HSPBP1: variants seen among roughly 807,000 people sequenced by gnomAD.
HSPBP1 encodes the protein HSPA (Hsp70) binding protein 1, also known as hsp70-binding protein 1.
Under a neutral mutation model 41.7 loss-of-function variants are expected in HSPBP1, and 31 were observed. The ratio of observed to expected loss-of-function variants is 0.74; its 90% CI spans 0.56 to 1.00. The LOEUF (loss-of-function observed/expected upper bound fraction) is 1.00. Among genes scored for constraint, HSPBP1 ranks in the 50% least tolerant of loss-of-function variants. HSPBP1 has a pLI of 0.00. For synonymous variants in HSPBP1, 199 were observed against 214.4 expected, an observed-to-expected ratio of 0.93 and a Z score of 0.63; for missense variants, 439 against 487.9, an observed-to-expected ratio of 0.90 and a Z score of 0.94.
chr19:55,264,780 G>A (rs1019630219), intron 7 of HSPBP1, among the ~76,000 whole-genome samples: 1 of 152,144 alleles, frequency 6.6e-6, no homozygotes, highest in East Asian at 1.9e-4. Context: ...GACACAGCAC[G>A]GGACGAATGC....
Position 55,279,541 on chromosome 19 carries a change from G to A in HSPBP1, c.68C>T (p.Ser23Phe). The A allele has an allele frequency of 7.7e-7, 1 of 1,297,962 alleles. No homozygotes were observed. The highest frequency in any genetic ancestry group is 2.5e-5 in the Admixed American group (1 of 39,262). The allele number at this position is 1,297,962 out of a possible 1,614,324, so 80.4% of individuals were successfully genotyped here. A position where few individuals can be genotyped will look rare whatever the true frequency, so the allele number is the denominator to read the frequency against. ...LALPPASQGC[S>F]SGGGGGGSSA... is the part of the protein sequence containing the mutation. ...GGAGCCGCCGCCGCCGCCCCCTGAA[G>A]AGCAACCCTGGGAGGCCGGGGGCAG... is the stretch of plus-strand genomic sequence containing the variant. Residue 23 changes from serine (S) to phenylalanine (F), a missense_variant, in exon 2 of 8, where the codon TCT (serine) becomes TTT (phenylalanine). Transcript: ENST00000433386.
At chr19:55,273,864 T>C (rs2087988769) in intron 4 of HSPBP1, among the ~76,000 whole-genome samples, 1 of 151,854 alleles carries the variant, frequency 6.6e-6, no homozygotes, top group Non-Finnish European at 1.5e-5. Context: ...CCCTTGAGGC[T>C]AGGAGTTCAA....
intron 3 of HSPBP1, among the ~76,000 whole-genome samples, chr19:55,277,191 A>G (rs1328915568): frequency 1.3e-5 from 2 of 152,120 alleles, no homozygotes; most frequent in African/African-American, 2.4e-5. Flanking sequence ...ACTCTGCCTC[A>G]AGGGCCTGGC....
At position 55,279,466 on chromosome 19, in the gene HSPBP1, A is replaced by C. The variant is rs1214911962; in HGVS notation, c.143T>G (p.Leu48Trp). Residue 48 changes from leucine to tryptophan, a missense_variant, in exon 2 of 8, where the codon TTG becomes TGG. Physicochemically the swap from Leu to Trp is moderately conservative, Grantham distance 61 (BLOSUM62 -2). Coordinates refer to ENST00000433386, the MANE Select transcript of HSPBP1 (RefSeq NM_012267.5). Reference protein sequence around the residue: ...NSRPPRNLQGLLQMAITAGSE... With the variant: ...NSRPPRNLQGWLQMAITAGSE... The stretch of plus-strand genomic sequence containing the variant: ...GCCCGCGGTGATGGCCATCTGCAGC[A>C]AGCCTTGGAGGTTGCGTGGGGGCCG... The C allele has an allele frequency of 6.2e-7, 1 of 1,605,352 alleles. No homozygotes were observed. Among genetic ancestry groups the C allele is most frequent in the African/African-American group, 1.4e-5 (1 of 74,018 alleles).
In HSPBP1 at chr19:55,277,818, G is replaced by A. The variant is rs772883558; in HGVS notation, c.239C>T (p.Ser80Leu). The A allele has an allele frequency of 7.6e-6, 12 of 1,586,058 alleles. No homozygotes were observed. Among genetic ancestry groups the A allele is most frequent in the East Asian group, 4.5e-5 (2 of 44,310 alleles). Residue 80 changes from serine to leucine, a missense_variant, in exon 3 of 8, where the codon TCG becomes TTG. Coordinates refer to ENST00000433386, the MANE Select transcript of HSPBP1 (RefSeq NM_012267.5). ...ERRQWLQEAM[S>L]AAFRGQREEV... ...CTCCCGCTGGCCTCGGAAGGCAGCC[G>A]ACATGGCCTCCTGCAGCCACTGACG...
intron 1 of HSPBP1, 95 bp from the exon 2 acceptor site, chr19:55,279,797 T>C (rs1477520701): frequency 1.4e-6 from 2 of 1,384,542 alleles, no homozygotes; most frequent in African/African-American, 2.9e-5. Flanking sequence ...CCCTTTTCCT[T>C]CCTTCATACC....
chr19:55,266,512 C>A, intron 4 of HSPBP1, among the ~76,000 whole-genome samples: 1 of 115,014 alleles, frequency 8.7e-6, no homozygotes, highest in Non-Finnish European at 1.9e-5. Context: ...CCATCACCAC[C>A]ACCACCATCA....
At position 55,272,098 on chromosome 19, in the gene HSPBP1, G is replaced by A. The variant is rs1208631493; in HGVS notation, c.640+2300C>T. 5.0e-4 allele frequency among the ~76,000 whole-genome samples: 75 copies of A among 151,370 alleles called. 1 individual carries two copies. The highest frequency in any genetic ancestry group is 1.3e-4 in the Non-Finnish European group (9 of 67,864). On this transcript the variant is annotated intron_variant, in intron 4 of 7. Coordinates refer to ENST00000433386, the MANE Select transcript of HSPBP1 (RefSeq NM_012267.5). The surrounding 1 kb of genome is among the most constrained non-coding windows in gnomAD (Gnocchi z 4.2). ...AAAGAAAAAAAAAAAAGCCAACCTC[G>A]AACAGATTAAATGTAGAGTTACGAT...
Position 55,272,912 on chromosome 19 carries a change from C to T in HSPBP1, c.640+1486G>A, listed in dbSNP as rs184873921. 4.1e-3 allele frequency among the ~76,000 whole-genome samples: 630 copies of T among 152,238 alleles called. 26 individuals are homozygous for T. The highest frequency in any genetic ancestry group is 0.038 in the Admixed American group (585 of 15,288). On this transcript the variant is annotated intron_variant, in intron 4 of 7. Coordinates refer to ENST00000433386, the MANE Select transcript of HSPBP1 (RefSeq NM_012267.5). The surrounding 1 kb of genome is among the most constrained non-coding windows in gnomAD (Gnocchi z 4.2). ...GTGACTGCCGATAGCCATACCACCC[C>T]GAACGCGTCTGATCACATCTAAAAT... is the stretch of plus-strand genomic sequence containing the variant.
intron 4 of HSPBP1, among the ~76,000 whole-genome samples, chr19:55,271,048 A>G (rs1433933801): frequency 2.0e-5 from 3 of 151,924 alleles, no homozygotes; most frequent in Non-Finnish European, 4.4e-5. Context: ...ACACACACCC[A>G]CATTTGTTCT....
rs1036541153 is a variant in HSPBP1, at chr19:55,266,259, A to G, written c.668T>C (p.Leu223Pro). ...SCLVREQEAG[L>P]LQFLRLDGFS... Reference sequence around the variant, plus strand: ...GCCGTCCAGGCGGAGGAACTGCAGCAGCCCAGCCTCCTGCTCTCGGACCAG... The same window carrying G: ...GCCGTCCAGGCGGAGGAACTGCAGCGGCCCAGCCTCCTGCTCTCGGACCAG... The change falls in exon 5 of 8, where the codon CTG (leucine) becomes CCG (proline). Residue 223 changes from leucine to proline, a missense_variant. Physicochemically the swap from Leu to Pro is moderately conservative, Grantham distance 98. Transcript: ENST00000433386. The G allele has an allele frequency of 5.7e-6, 9 of 1,581,866 alleles. No individual in the cohort carries two copies. The highest frequency in any genetic ancestry group is 7.7e-6 in the Non-Finnish European group (9 of 1,164,452).
Position 55,270,570 on chromosome 19 carries a change from G to A in HSPBP1, c.640+3828C>T, listed in dbSNP as rs1282281363. ...GGAAGGGGAAAGATAAGCTACTGTT[G>A]CTTAAGAAAAAAGGACAGAGGCAGG... On this transcript the variant is annotated intron_variant, in intron 4 of 7. Transcript: ENST00000433386. The surrounding 1 kb of genome is among the most constrained non-coding windows in gnomAD (Gnocchi z 5.4). 6.6e-6 allele frequency among the ~76,000 whole-genome samples: 1 copy of A among 152,086 alleles called. No individual in the cohort carries two copies. Among genetic ancestry groups the A allele is most frequent in the African/African-American group, 2.4e-5 (1 of 41,388 alleles).
At chr19:55,274,373 T>TCCCCCCCCCCCCC in intron 4 of HSPBP1, 25 bp downstream of exon 4, 1 of 319,216 alleles carries the variant, frequency 3.1e-6, no homozygotes. Flanking sequence ...AGCACCCCTG[T>TCCCCCCCCCCCCC]CCCCAGCCCC....
chr19:55,273,232 C>T (rs2087972256), intron 4 of HSPBP1, among the ~76,000 whole-genome samples: 2 of 152,176 alleles, frequency 1.3e-5, no homozygotes, highest in African/African-American at 4.8e-5. Flanking sequence ...TCGAGCAATT[C>T]TCCCGCCTCG....
intron 4 of HSPBP1, among the ~76,000 whole-genome samples, chr19:55,273,282 G>A (rs1211906769): frequency 2.0e-5 from 3 of 152,150 alleles, no homozygotes; most frequent in South Asian, 2.1e-4. Context: ...GAGCCACCAC[G>A]CCTGGCCAAG....
At position 55,268,671 on chromosome 19, in the gene HSPBP1, GTTTAT is replaced by G. The variant is rs1044115058; in HGVS notation, c.641-2390_641-2386del. Among the ~76,000 whole-genome samples the G allele has an allele frequency of 2.2e-4, 33 of 152,186 alleles. No homozygotes were observed. Among genetic ancestry groups the G allele is most frequent in the African/African-American group, 7.5e-4 (31 of 41,528 alleles). On this transcript the variant is annotated intron_variant, in intron 4 of 7. Transcript: ENST00000433386. This position sits in a 1 kb window ranked among gnomAD's most constrained non-coding sequence, Gnocchi z 4.5. ...TTGGGTTACATATTTATTTATTTTA[GTTTAT>G]TTTATTTCATTTTTGAGACAGAGTC...
intron 3 of HSPBP1, 53 bp downstream of exon 3, chr19:55,277,589 G>T: frequency 6.5e-7 from 1 of 1,531,970 alleles, no homozygotes; most frequent in Non-Finnish European, 8.9e-7. Context: ...GAGCTGAGAG[G>T]CAGCAGGACA....
intron 4 of HSPBP1, 53 bp downstream of exon 4, chr19:55,274,345 G>GCGCCCCCCCCCCCCCCCCCCCCCCCCCC: frequency 1.8e-6 from 1 of 552,678 alleles, no homozygotes; most frequent in Non-Finnish European, 3.1e-6. Flanking sequence ...GGCCCACCCG[G>GCGCCCCCCCCCCCCCCCCCCCCCCCCCC]CACCCCCCCC....
chr19:55,279,825 A>C, intron 1 of HSPBP1, 123 bp from the exon 2 acceptor site: 1 of 1,095,602 alleles, frequency 9.1e-7, no homozygotes, highest in Non-Finnish European at 1.3e-6. Context: ...CCCTTCCCCA[A>C]AGTCATAAGC....
Sources: gnomAD v4.1 joint callset for allele counts (sites outside exome capture counted in the v4.1 genomes callset) on GRCh38, gnomAD v4.1.1 for gene constraint, Gnocchi (gnomAD v3.1) non-coding constraint, MANE v1.5 for transcripts, NCBI Gene and HGNC (gene_info 2026-07-23, HGNC 2026-07-21) for gene names.